PALLD: variants seen among roughly 807,000 people sequenced by gnomAD.
The protein encoded by PALLD is palladin.
PALLD carries 61 observed loss-of-function variants against 123.5 expected under a neutral mutation model. The observed-to-expected ratio is 0.49, with a 90% confidence interval of 0.40 to 0.61. PALLD has a LOEUF of 0.61. PALLD is among the 20% of genes least tolerant of loss of function. PALLD has a pLI of 0.00. For synonymous variants in PALLD, 465 were observed against 496.4 expected, an observed-to-expected ratio of 0.94 and a Z score of 0.84; for missense variants, 1,273 against 1,377.0, an observed-to-expected ratio of 0.92 and a Z score of 1.20.
At chr4:168,840,845 G>GATTT (rs1256639130) in intron 10 of PALLD, among the ~76,000 whole-genome samples, 4 of 151,982 alleles carry the variant, frequency 2.6e-5, no homozygotes, top group Non-Finnish European at 5.9e-5. Context: ...CCACTATACA[G>GATTT]ATTTATTTAT....
At chr4:168,699,168 T>C (rs1470412804) in intron 8 of PALLD, among the ~76,000 whole-genome samples, 5 of 152,176 alleles carry the variant, frequency 3.3e-5, no homozygotes, top group Admixed American at 3.3e-4. Context: ...AACCTCTGCC[T>C]TCCAGGTTCA....
rs114359598 is a variant in PALLD at position 168,528,054 on chromosome 4, A to C, written c.908+15642A>C. On this transcript the variant is annotated intron_variant, in intron 2 of 21. Transcript: ENST00000505667. ...CCCTGGGTTTCCTCATACTCTGACGATACCTTCAGATATAATCTTTTCATG... is the reference window on the plus strand; with the variant it reads ...CCCTGGGTTTCCTCATACTCTGACGCTACCTTCAGATATAATCTTTTCATG... Among the ~76,000 whole-genome samples, 622 of 152,256 alleles carry C rather than the reference A, an allele frequency of 4.1e-3. 6 individuals are homozygous for C. Among genetic ancestry groups the C allele is most frequent in the African/African-American group, 0.014 (595 of 41,548 alleles).
chr4:168,920,338 C>T (rs967973326), intron 17 of PALLD, among the ~76,000 whole-genome samples: 8 of 152,222 alleles, frequency 5.3e-5, no homozygotes, highest in Non-Finnish European at 4.4e-5. Flanking sequence ...CCCTTTGCTA[C>T]ATGTGTGGTG....
At chr4:168,637,908 C>G (rs1167681838) in intron 2 of PALLD, among the ~76,000 whole-genome samples, 4 of 130,396 alleles carry the variant, frequency 3.1e-5, no homozygotes, top group Admixed American at 9.5e-5. Context: ...TATGCCTCTG[C>G]ACTCCAGCCT....
intron 15 of PALLD, among the ~76,000 whole-genome samples, chr4:168,912,091 T>C (rs562010343): frequency 6.6e-6 from 1 of 152,166 alleles, no homozygotes; most frequent in East Asian, 1.9e-4. Flanking sequence ...TGCTATGGGA[T>C]TTTTCTCTGC....
chr4:168,801,544 C>G (rs1049447031), intron 10 of PALLD, among the ~76,000 whole-genome samples: 1 of 152,188 alleles, frequency 6.6e-6, no homozygotes, highest in African/African-American at 2.4e-5. Flanking sequence ...TCCCAAAGTG[C>G]TGGGATCACA....
At chr4:168,840,032 G>T (rs1032677601) in intron 10 of PALLD, among the ~76,000 whole-genome samples, 1 of 152,034 alleles carries the variant, frequency 6.6e-6, no homozygotes, top group Non-Finnish European at 1.5e-5. Context: ...AAAACTTGTG[G>T]TTTTTCTTGG....
chr4:168,782,867 A>G (rs1235225350), intron 10 of PALLD, among the ~76,000 whole-genome samples: 1 of 152,124 alleles, frequency 6.6e-6, no homozygotes, highest in Admixed American at 6.5e-5. Context: ...GTGAGCCGAG[A>G]TCGCACCACT....
chr4:168,749,472 C>T (rs1581261062), intron 10 of PALLD, among the ~76,000 whole-genome samples: 1 of 151,804 alleles, frequency 6.6e-6, no homozygotes, highest in Middle Eastern at 3.4e-3. Flanking sequence ...TTTGGGAGGC[C>T]GAGGCAGTTG....
chr4:168,551,677 G>C (rs1468985216), intron 2 of PALLD, among the ~76,000 whole-genome samples: 1 of 150,712 alleles, frequency 6.6e-6, no homozygotes, highest in Non-Finnish European at 1.5e-5. Flanking sequence ...TTTATAACTT[G>C]TTTTTTTAAA....
chr4:168,744,551 G>T (rs553454449), intron 10 of PALLD, among the ~76,000 whole-genome samples: 1 of 152,244 alleles, frequency 6.6e-6, no homozygotes, highest in South Asian at 2.1e-4. Context: ...AAGCCAAAGG[G>T]AACCTCAGGG....
chr4:168,506,312 TCTC>T (rs1761993639), intron 1 of PALLD, among the ~76,000 whole-genome samples: 1 of 152,134 alleles, frequency 6.6e-6, no homozygotes, highest in African/African-American at 2.4e-5. Context: ...TGCACAGAAG[TCTC>T]AGTTTGGGAA....
At chr4:168,644,169 A>G (rs769334019) in intron 2 of PALLD, among the ~76,000 whole-genome samples, 6 of 149,442 alleles carry the variant, frequency 4.0e-5, no homozygotes, top group African/African-American at 1.5e-4. Flanking sequence ...GCTCTCTGCA[A>G]CCTCCACCTC....
At chr4:168,617,132 A>G (rs1294436580) in intron 2 of PALLD, among the ~76,000 whole-genome samples, 1 of 152,178 alleles carries the variant, frequency 6.6e-6, no homozygotes, top group African/African-American at 2.4e-5. Flanking sequence ...TAAAAAGCAA[A>G]AGGGAAAGAA....
At chr4:168,651,578 T>A (rs1376491960) in intron 2 of PALLD, among the ~76,000 whole-genome samples, 2 of 150,780 alleles carry the variant, frequency 1.3e-5, no homozygotes, top group Non-Finnish European at 3.0e-5. Context: ...GATGGAACTC[T>A]TTTTTTTTCC....
intron 2 of PALLD, among the ~76,000 whole-genome samples, chr4:168,535,559 G>A (rs969588730): frequency 4.6e-5 from 7 of 152,250 alleles, no homozygotes; most frequent in Non-Finnish European, 7.3e-5. Flanking sequence ...AGACTTCAGG[G>A]GTGTATGCGT....
At chr4:168,690,494 G>A in intron 6 of PALLD, 109 bp from the exon 7 acceptor site, 1 of 1,356,154 alleles carries the variant, frequency 7.4e-7, no homozygotes, top group Non-Finnish European at 1.1e-6. Flanking sequence ...TGCATTTTGT[G>A]TTTGTATCTG....
chr4:168,785,846 G>GAGATATATATATATATATAT (rs764117358), intron 10 of PALLD, among the ~76,000 whole-genome samples: 56 of 80,900 alleles, frequency 6.9e-4, no homozygotes, highest in Middle Eastern at 7.1e-3. Context: ...AAACTGTAGA[G>GAGATATATATATATATATAT]ATATATATAT....
At chr4:168,508,734 T>C (rs1762253075) in intron 1 of PALLD, among the ~76,000 whole-genome samples, 1 of 152,108 alleles carries the variant, frequency 6.6e-6, no homozygotes, top group African/African-American at 2.4e-5. Flanking sequence ...TAAATGAAAA[T>C]ATAGTCTGTT....
Sources: allele counts gnomAD v4.1 joint callset (sites outside exome capture counted in the v4.1 genomes callset), GRCh38; gene constraint gnomAD v4.1.1; transcripts MANE v1.5; gene names NCBI Gene and HGNC (gene_info 2026-07-23, HGNC 2026-07-21).